FXR1: variants seen among roughly 807,000 people sequenced by gnomAD.
FXR1 encodes the protein RNA-binding protein FXR1.
A neutral mutation model predicts 84.0 loss-of-function variants in FXR1; 15 were observed. The ratio of observed to expected loss-of-function variants is 0.18; its 90% CI spans 0.12 to 0.27. The LOEUF is 0.27. FXR1 is among the 10% of genes least tolerant of loss of function. The pLI is 1.00. For synonymous variants in FXR1, 245 were observed against 250.7 expected, an observed-to-expected ratio of 0.98 and a Z score of 0.21; for missense variants, 480 against 774.4, an observed-to-expected ratio of 0.62 and a Z score of 4.51.
chr3:180,929,108 A>G (rs773212307), intron 1 of FXR1, among the ~76,000 whole-genome samples: 2 of 151,990 alleles, frequency 1.3e-5, no homozygotes, highest in African/African-American at 2.4e-5. Flanking sequence ...TTTAGTAGAG[A>G]CGGGGTTTCT....
chr3:180,936,570 AT>A (rs1720553322), intron 3 of FXR1, among the ~76,000 whole-genome samples: 1 of 152,154 alleles, frequency 6.6e-6, no homozygotes, highest in Non-Finnish European at 1.5e-5. Flanking sequence ...ACATGGCCTG[AT>A]TTTTTAATGA....
intron 3 of FXR1, among the ~76,000 whole-genome samples, chr3:180,942,195 G>A (rs918098887): frequency 1.1e-4 from 16 of 151,800 alleles, no homozygotes; most frequent in African/African-American, 3.9e-4. Flanking sequence ...TGGCTAACAC[G>A]GTGAAACCCC....
chr3:180,956,931 ATATACT>A (rs1722798352), intron 9 of FXR1, among the ~76,000 whole-genome samples: 1 of 152,336 alleles, frequency 6.6e-6, no homozygotes, highest in South Asian at 2.1e-4. Flanking sequence ...GTGAAAAGTG[ATATACT>A]TAAATTAACT....
intron 13 of FXR1, 84 bp downstream of exon 13, chr3:180,963,174 A>G: frequency 3.1e-6 from 2 of 643,648 alleles, no homozygotes; most frequent in Non-Finnish European, 5.4e-6. Flanking sequence ...TTTTCTTATA[A>G]TTAGTTCATT....
At chr3:180,926,597 A>G (rs1479488375) in intron 1 of FXR1, among the ~76,000 whole-genome samples, 3 of 151,092 alleles carry the variant, frequency 2.0e-5, no homozygotes, top group East Asian at 3.9e-4. Context: ...ATTTTGAAAT[A>G]TGAGAGTTAC....
At chr3:180,964,673 T>TTTTATATATA (rs148208441) in intron 13 of FXR1, among the ~76,000 whole-genome samples, 1 of 136,356 alleles carries the variant, frequency 7.3e-6, no homozygotes, top group African/African-American at 2.9e-5. Context: ...TGTAGTTGAT[T>TTTTATATATA]TATATATATA....
intron 7 of FXR1, among the ~76,000 whole-genome samples, chr3:180,950,070 T>C (rs926164594): frequency 3.3e-5 from 5 of 152,168 alleles, no homozygotes; most frequent in Non-Finnish European, 7.4e-5. Flanking sequence ...TATTAAAATA[T>C]TAAGCTTATC....
chr3:180,949,977 C>CT (rs761867722), intron 7 of FXR1, among the ~76,000 whole-genome samples: 39 of 152,258 alleles, frequency 2.6e-4, no homozygotes, highest in Non-Finnish European at 4.7e-4. Context: ...GTCATGATAT[C>CT]TTTCATCAGT....
Position 180,978,811 on chromosome 3 carries a change from C to G in FXR1, c.*2519C>G, listed in dbSNP as rs895920184. On this transcript the variant is annotated 3_prime_UTR_variant, in exon 17 of 17. Transcript: ENST00000357559. ...CCTGAACGGAATCATGAAGTAACAGCTGAGATTATATGGTGGCAAAAATGA... is the reference window on the plus strand; with the variant it reads ...CCTGAACGGAATCATGAAGTAACAGGTGAGATTATATGGTGGCAAAAATGA... 6.6e-6 allele frequency: 1 copy of G among 152,048 alleles called. No homozygotes were observed. The highest frequency in any genetic ancestry group is 2.4e-5 in the African/African-American group (1 of 41,412). 9.4% of individuals were successfully genotyped at this position (152,048 alleles called of 1,614,324 possible). A position where few individuals can be genotyped will look rare whatever the true frequency, so the allele number is the denominator to read the frequency against.
chr3:180,922,643 T>C (rs1033124634), intron 1 of FXR1, among the ~76,000 whole-genome samples: 6 of 152,198 alleles, frequency 3.9e-5, no homozygotes, highest in Non-Finnish European at 5.9e-5. Flanking sequence ...AAATAAATAA[T>C]ACTGTGTCAC....
chr3:180,949,194 A>T (rs1721976989), intron 6 of FXR1, 33 bp from the exon 7 acceptor site: 1 of 1,061,174 alleles, frequency 9.4e-7, no homozygotes, highest in Non-Finnish European at 1.5e-6. Flanking sequence ...AAGAATGATT[A>T]AAGTTTTGAG....
rs1314874064 is a variant in FXR1 at position 180,978,258 on chromosome 3, A to G, written c.*1966A>G. ...TATTAAACATCCCTTTTCCATAAAG[A>G]TGGTTTCAATGGGAATGGAAGAAAC... On this transcript the variant is annotated 3_prime_UTR_variant, in exon 17 of 17. Coordinates refer to ENST00000357559, the MANE Select transcript of FXR1 (RefSeq NM_005087.4). 1.3e-5 allele frequency: 2 copies of G among 151,534 alleles called. No homozygotes were observed. The highest frequency in any genetic ancestry group is 1.9e-4 in the East Asian group (1 of 5,182). The allele number at this position is 151,534 out of a possible 1,614,324, so 9.4% of individuals were successfully genotyped here. A position where few individuals can be genotyped will look rare whatever the true frequency, so the allele number is the denominator to read the frequency against.
At chr3:180,939,812 T>C (rs569681704) in intron 3 of FXR1, among the ~76,000 whole-genome samples, 49 of 152,268 alleles carry the variant, frequency 3.2e-4, no homozygotes, top group African/African-American at 1.0e-3. Context: ...TAGGAATCCT[T>C]TGAAGGAAAG....
rs1427028657 is a variant in FXR1 at position 180,968,106 on chromosome 3, G to A, written c.1254G>A (p.Glu418=). 1.2e-6 allele frequency: 2 copies of A among 1,613,680 alleles called. No individual in the cohort carries two copies. The highest frequency in any genetic ancestry group is 1.3e-5 in the African/African-American group (1 of 74,918). Residue 418 remains glutamate, a synonymous_variant, in exon 14 of 17, where the codon GAG becomes GAA. Coordinates refer to ENST00000357559, the MANE Select transcript of FXR1 (RefSeq NM_005087.4). ...AAACGGAATCTGAGCGTAAAGACGA[G>A]CTGAGTGATTGGTCATTGGCAGGAG... ...PSETESERKD[E]LSDWSLAGED...
At chr3:180,924,155 C>T (rs755056052) in intron 1 of FXR1, among the ~76,000 whole-genome samples, 31 of 152,036 alleles carry the variant, frequency 2.0e-4, no homozygotes, top group African/African-American at 6.5e-4. Context: ...GATAGGGTTT[C>T]GCCATGTTGG....
intron 3 of FXR1, among the ~76,000 whole-genome samples, chr3:180,939,775 C>A (rs761492276): frequency 6.6e-6 from 1 of 152,076 alleles, no homozygotes; most frequent in Non-Finnish European, 1.5e-5. Context: ...AGTTTTGTGC[C>A]AGACTCACAA....
At position 180,976,154 on chromosome 3, in the gene FXR1, A is replaced by G; in HGVS notation, c.1728A>G (p.Ser576=). The change falls in exon 17 of 17, where the codon TCA becomes TCG. Residue 576 remains serine, a synonymous_variant. Coordinates refer to ENST00000357559, the MANE Select transcript of FXR1 (RefSeq NM_005087.4). The part of the protein sequence containing the change: ...AKDVIEEHGP[S]EKAINGPTSA... ...ATGTGATTGAAGAGCATGGTCCTTCAGAAAAGGCAATAAACGGCCCAACTA... is the reference window on the plus strand; with the variant it reads ...ATGTGATTGAAGAGCATGGTCCTTCGGAAAAGGCAATAAACGGCCCAACTA... 2 of 1,613,262 alleles carry G rather than the reference A, an allele frequency of 1.2e-6. No individual in the cohort carries two copies. Among genetic ancestry groups the G allele is most frequent in the South Asian group, 2.2e-5 (2 of 90,904 alleles).
intron 13 of FXR1, among the ~76,000 whole-genome samples, chr3:180,966,920 C>G (rs1712907753): frequency 6.6e-6 from 1 of 152,116 alleles, no homozygotes; most frequent in Non-Finnish European, 1.5e-5. Flanking sequence ...ATTTGAGTTA[C>G]AGTAATTATT....
rs765066164 is a variant in FXR1 at position 180,942,377 on chromosome 3, C to CAAAAAAAAAA, written c.199-5469_199-5460dup. Among the ~76,000 whole-genome samples the CAAAAAAAAAA allele has an allele frequency of 1.7e-3, 54 of 31,122 alleles. 5 individuals carry two copies. Among genetic ancestry groups the CAAAAAAAAAA allele is most frequent in the African/African-American group, 2.4e-3 (21 of 8,708 alleles). 20.4% of individuals were successfully genotyped at this position (31,122 alleles called of 152,430 possible). ...TGGGCGACAGAGCGAGACTCCGTCT[C>CAAAAAAAAAA]AAAAAAAAAAAAAAAAAAAAAAAAA... On this transcript the variant is annotated intron_variant, in intron 3 of 16. Transcript: ENST00000357559.
Sources: gnomAD v4.1 joint callset for allele counts (sites outside exome capture counted in the v4.1 genomes callset) on GRCh38, gnomAD v4.1.1 for gene constraint, MANE v1.5 for transcripts, NCBI Gene and HGNC (gene_info 2026-07-23, HGNC 2026-07-21) for gene names.